The following TUBGCP3 variants were observed in gnomAD, a reference collection of about 807,000 sequenced individuals.
TUBGCP3 encodes gamma-tubulin complex component 3.
TUBGCP3 carries 50 observed loss-of-function variants against 123.1 expected under a neutral mutation model. The ratio of observed to expected loss-of-function variants is 0.41; its 90% confidence interval spans 0.32 to 0.51. The LOEUF (loss-of-function observed/expected upper bound fraction) is 0.51. Among genes scored for constraint, TUBGCP3 ranks in the 20% least tolerant of loss-of-function variants. TUBGCP3 has a pLI of 0.36. For synonymous variants in TUBGCP3, 405 were observed against 413.9 expected (o/e 0.98, Z 0.26); for missense variants, 882 against 1,127.0 (o/e 0.78, Z 3.11).
intron 2 of TUBGCP3, among the ~76,000 whole-genome samples, chr13:112,567,692 G>A (rs933400341): frequency 2.6e-5 from 4 of 152,150 alleles, no homozygotes; most frequent in African/African-American, 9.7e-5. Flanking sequence ...GTCCAGCCCT[G>A]AACAGGCAAA....
intron 8 of TUBGCP3, among the ~76,000 whole-genome samples, chr13:112,550,232 A>G (rs1879445544): frequency 6.6e-6 from 1 of 152,060 alleles, no homozygotes; most frequent in Non-Finnish European, 1.5e-5. Context: ...TTATCCAGCA[A>G]AACTCCATCA....
intron 11 of TUBGCP3, chr13:112,544,872 G>T: frequency 6.6e-6 from 1 of 152,176 alleles, no homozygotes; most frequent in East Asian, 1.9e-4. Context: ...AAAACAAATT[G>T]AATGTAATAC....
At position 112,548,122 on chromosome 13, in the gene TUBGCP3, CAG is replaced by C. The variant is rs1566568208; in HGVS notation, c.1019_1020del (p.Ser340CysfsTer11). 3.1e-6 allele frequency: 5 copies of C among 1,599,392 alleles called. No individual in the cohort carries two copies. On this transcript the variant is annotated frameshift_variant, in exon 9 of 22. Transcript: ENST00000261965. LOFTEE classifies it high-confidence loss of function. ...QELREYYRLL[S>X]VLHSQLQLED... is the part of the protein sequence containing the mutation. ...AAAATATTTACCTGAGAATGTAAAA[CAG>C]AGAGCAATCGATAGTATTCTCTGAG...
the TUBGCP3 span, among the ~76,000 whole-genome samples, chr13:112,595,679 C>T: frequency 6.6e-6 from 1 of 151,788 alleles, no homozygotes; most frequent in Non-Finnish European, 1.5e-5. Flanking sequence ...CTATTTTTTT[C>T]CCCTTTCATT....
chr13:112,576,207 GA>G (rs1221367744), intron 1 of TUBGCP3, among the ~76,000 whole-genome samples: 4 of 152,096 alleles, frequency 2.6e-5, no homozygotes, highest in African/African-American at 9.7e-5. Context: ...GCTGTCAAAA[GA>G]AAGGTCAGAA....
Position 112,565,126 on chromosome 13 carries a change from T to C in TUBGCP3, c.237A>G (p.Arg79=). The stretch of plus-strand genomic sequence containing the variant: ...TGCACTGTACCTGTGAATGAAGTTT[T>C]CTGTGGAGTTCTGAAAATAATGCAG... ...ADAALFSELH[R]KLHSQGVLKN... The change falls in exon 3 of 22, where the codon AGA becomes AGG. Residue 79 remains arginine (R), a synonymous_variant. Transcript: ENST00000261965. 1 of 1,613,824 alleles carries C rather than the reference T, an allele frequency of 6.2e-7. No individual in the cohort carries two copies. The highest frequency in any genetic ancestry group is 2.2e-5 in the East Asian group (1 of 44,844).
rs1566542206 is a variant in TUBGCP3, at chr13:112,511,143, T to C, written c.2086+5297A>G. ...GTAAGATGAATCGTTATTATATGAA[T>C]CATCAAGAAAGTAAAACAGTTGCCA... On this transcript the variant is annotated intron_variant, in intron 17 of 21. Transcript: ENST00000261965. This position sits in a 1 kb window ranked among gnomAD's most constrained non-coding sequence, Gnocchi z 4.1. 1.3e-5 allele frequency among the ~76,000 whole-genome samples: 2 copies of C among 152,136 alleles called. No homozygotes were observed. The highest frequency in any genetic ancestry group is 2.9e-5 in the Non-Finnish European group (2 of 68,034).
intron 1 of TUBGCP3, among the ~76,000 whole-genome samples, chr13:112,569,915 A>G (rs1309671348): frequency 1.3e-5 from 2 of 152,162 alleles, no homozygotes; most frequent in African/African-American, 4.8e-5. Context: ...ATGTCCGTCA[A>G]GTTAAGAATG....
At position 112,485,737 on chromosome 13, in the gene TUBGCP3, A is replaced by G. The variant is rs912987165; in HGVS notation, c.*256T>C. The stretch of plus-strand genomic sequence containing the variant: ...GCCTCAGCAAATTATGGTATCTTTT[A>G]GCGATGAAGACTTTTAGAGACAAAT... On this transcript the variant is annotated 3_prime_UTR_variant, in exon 22 of 22. Transcript: ENST00000261965. 18 of 412,356 alleles carry G rather than the reference A, an allele frequency of 4.4e-5. No homozygotes were observed. Among genetic ancestry groups the G allele is most frequent in the East Asian group, 1.5e-4 (4 of 27,060 alleles). 25.5% of individuals were successfully genotyped at this position (412,356 alleles called of 1,614,324 possible). A position where few individuals can be genotyped will look rare whatever the true frequency, so the allele number is the denominator to read the frequency against.
At position 112,502,597 on chromosome 13, in the gene TUBGCP3, G is replaced by C. The variant is rs938016107; in HGVS notation, c.2307+1435C>G. Among the ~76,000 whole-genome samples the C allele has an allele frequency of 2.1e-5, 3 of 145,618 alleles. No individual in the cohort carries two copies. In the Admixed American group the frequency reaches 2.1e-4, roughly 10 times the overall value. On this transcript the variant is annotated intron_variant, in intron 19 of 21. Transcript: ENST00000261965. ...GTCTCGCTCTGTTGCCCAGGCTGGA[G>C]TGCAATGGCGCAATCTTGGCTCACT...
intron 17 of TUBGCP3, among the ~76,000 whole-genome samples, chr13:112,512,452 G>T (rs923029612): frequency 7.1e-6 from 1 of 141,250 alleles, no homozygotes; most frequent in Non-Finnish European, 1.5e-5. Flanking sequence ...AAAAAAAAAG[G>T]CCCAGACACA....
chr13:112,595,128 C>T, the TUBGCP3 span, among the ~76,000 whole-genome samples: 10,215 of 152,050 alleles, frequency 0.067, 1,051 homozygotes, highest in African/African-American at 0.22. Context: ...TATCAATTGG[C>T]GGGAAAGGAG....
chr13:112,556,163 C>G lies in TUBGCP3; in HGVS notation c.610G>C (p.Ala204Pro), dbSNP rs1303038565. ...GGCTGATTTGCAGTTAAAGTCCATG[C>G]GAGTCGTGACCCCAACTGCTGTCGA... ...CLRQQLGSRL[A>P]WTLTANQPSS... Residue 204 changes from alanine to proline, a missense_variant, in exon 6 of 22, where the codon GCA becomes CCA. By Grantham distance (27) the Ala-to-Pro change is conservative (BLOSUM62 -1). Transcript: ENST00000261965. The G allele has an allele frequency of 6.2e-7, 1 of 1,614,130 alleles. No individual in the cohort carries two copies. The highest frequency in any genetic ancestry group is 8.5e-7 in the Non-Finnish European group (1 of 1,180,020).
At chr13:112,493,220 G>GT (rs1231837368) in intron 20 of TUBGCP3, among the ~76,000 whole-genome samples, 16 of 108,958 alleles carry the variant, frequency 1.5e-4, no homozygotes, top group South Asian at 3.1e-4. Flanking sequence ...GGGGGCTGGT[G>GT]GCCTGAGACA....
At chr13:112,496,767 A>G (rs1880554580) in intron 20 of TUBGCP3, among the ~76,000 whole-genome samples, 1 of 152,102 alleles carries the variant, frequency 6.6e-6, no homozygotes, top group African/African-American at 2.4e-5. Flanking sequence ...CGGGCGGATC[A>G]TGAGGTCAGG....
chr13:112,496,204 T>C (rs1356506468), intron 20 of TUBGCP3, among the ~76,000 whole-genome samples: 1 of 152,184 alleles, frequency 6.6e-6, no homozygotes, highest in African/African-American at 2.4e-5. Context: ...AGTCCTTTAA[T>C]CCTACATTTG....
At chr13:112,594,326 A>T in the TUBGCP3 span, among the ~76,000 whole-genome samples, 1 of 152,242 alleles carries the variant, frequency 6.6e-6, no homozygotes, top group Non-Finnish European at 1.5e-5. Context: ...CTAACATCTG[A>T]AAGCCAATTA....
rs993766266 is a variant in TUBGCP3, at chr13:112,519,223, G to A, written c.1882-180C>T. On this transcript the variant is annotated intron_variant, in intron 15 of 21. Transcript: ENST00000261965. The surrounding 1 kb of genome is among the most constrained non-coding windows in gnomAD (Gnocchi z 6.2). ...ATTAGGCAATAATGAGCACACAGTA[G>A]GTGCTCTGCAAACATCTGGCAATGC... 6.6e-6 allele frequency among the ~76,000 whole-genome samples: 1 copy of A among 152,206 alleles called. No individual in the cohort carries two copies. Among genetic ancestry groups the A allele is most frequent in the African/African-American group, 2.4e-5 (1 of 41,452 alleles).
intron 19 of TUBGCP3, among the ~76,000 whole-genome samples, chr13:112,500,495 G>A (rs541534569): frequency 6.6e-6 from 1 of 152,250 alleles, no homozygotes; most frequent in Non-Finnish European, 1.5e-5. Context: ...AAAAATATGC[G>A]CCAAGAAAAT....
Sources: allele counts gnomAD v4.1 joint callset (sites outside exome capture counted in the v4.1 genomes callset), GRCh38; gene constraint gnomAD v4.1.1; non-coding constraint Gnocchi (gnomAD v3.1); transcripts MANE v1.5; gene names NCBI Gene and HGNC (gene_info 2026-07-23, HGNC 2026-07-21).